MREG: variants seen among roughly 807,000 people sequenced by gnomAD.
MREG encodes dilute suppressor protein homolog.
Under a neutral mutation model 28.5 loss-of-function variants are expected in MREG, and 31 were observed. The observed-to-expected ratio is 1.09, with a 90% CI of 0.82 to 1.47. MREG has a LOEUF of 1.47. Among genes scored for constraint, MREG ranks in the 40% most tolerant of loss-of-function variants. The pLI is 0.00. For missense variants in MREG, 256 were observed against 257.4 expected, an observed-to-expected ratio of 0.99 and a Z score of 0.04; for synonymous variants, 106 against 95.2, an observed-to-expected ratio of 1.11 and a Z score of -0.66.
In MREG at chr2:216,006,274, C is replaced by T. The variant is rs74716374; in HGVS notation, c.95+6959G>A. 5.3e-3 allele frequency among the ~76,000 whole-genome samples: 802 copies of T among 152,304 alleles called. 8 individuals carry two copies. The highest frequency in any genetic ancestry group is 0.019 in the African/African-American group (773 of 41,550). On this transcript the variant is annotated intron_variant, in intron 1 of 4. Transcript: ENST00000263268. Reference sequence around the variant, plus strand: ...GGGGAAGAAAACCTTTAAAAGTCATCCTTGTGAATTTTGGACAGCTGACTT... The same window carrying T: ...GGGGAAGAAAACCTTTAAAAGTCATTCTTGTGAATTTTGGACAGCTGACTT...
chr2:215,968,388 A>G (rs1018438179), intron 2 of MREG, among the ~76,000 whole-genome samples: 5 of 152,154 alleles, frequency 3.3e-5, no homozygotes, highest in Non-Finnish European at 7.4e-5. Flanking sequence ...GTTGCCTCAC[A>G]ACAGAACCCC....
At chr2:216,018,911 A>G (rs990070202) in intron 1 of MREG, among the ~76,000 whole-genome samples, 1 of 152,170 alleles carries the variant, frequency 6.6e-6, no homozygotes, top group South Asian at 2.1e-4. Context: ...CATGTGACCA[A>G]GAAATTGACA....
At chr2:216,021,670 G>A (rs1157174131) in intron 1 of MREG, among the ~76,000 whole-genome samples, 1 of 152,162 alleles carries the variant, frequency 6.6e-6, no homozygotes, top group Non-Finnish European at 1.5e-5. Flanking sequence ...TTTAGAGTAT[G>A]GTCTTTGGCA....
intron 1 of MREG, among the ~76,000 whole-genome samples, chr2:215,998,538 G>A (rs1693933989): frequency 6.6e-6 from 1 of 152,104 alleles, no homozygotes; most frequent in African/African-American, 2.4e-5. Flanking sequence ...AAAGTACCTG[G>A]CCCTATGGGG....
chr2:216,002,691 C>A (rs1559194655), intron 1 of MREG, among the ~76,000 whole-genome samples: 1 of 152,216 alleles, frequency 6.6e-6, no homozygotes, highest in East Asian at 1.9e-4. Context: ...CTTCTTCCCT[C>A]TATTGAGACC....
intron 1 of MREG, among the ~76,000 whole-genome samples, chr2:216,006,122 G>C (rs1694148186): frequency 6.6e-6 from 1 of 152,164 alleles, no homozygotes; most frequent in Non-Finnish European, 1.5e-5. Flanking sequence ...AGAGTCTAGA[G>C]AATAAAAAGT....
chr2:216,024,472 T>G (rs1694565232), intron 1 of MREG, among the ~76,000 whole-genome samples: 1 of 150,992 alleles, frequency 6.6e-6, no homozygotes, highest in African/African-American at 2.4e-5. Context: ...GGACGCCCCG[T>G]GCCCTCTCTT....
intron 1 of MREG, among the ~76,000 whole-genome samples, chr2:216,004,911 A>G (rs1574647620): frequency 6.6e-6 from 1 of 152,164 alleles, no homozygotes; most frequent in East Asian, 1.9e-4. Context: ...TGACTTTGAG[A>G]AGAGATCTAA....
chr2:215,955,695 G>GA lies in MREG; in HGVS notation c.256-8583dup, dbSNP rs200791220. Reference sequence around the variant, plus strand: ...ATGAAGAGGGATTATCTAAAAGATAGAAAAAAATGTATTGACTGCTTCTCC... The same window carrying GA: ...ATGAAGAGGGATTATCTAAAAGATAGAAAAAAAATGTATTGACTGCTTCTCC... On this transcript the variant is annotated intron_variant, in intron 2 of 4. Transcript: ENST00000263268. Among the ~76,000 whole-genome samples, 1,034 of 152,220 alleles carry GA rather than the reference G, an allele frequency of 6.8e-3. 13 individuals carry two copies. Among genetic ancestry groups the GA allele is most frequent in the African/African-American group, 0.024 (989 of 41,554 alleles).
intron 2 of MREG, among the ~76,000 whole-genome samples, chr2:215,989,463 G>A (rs951685500): frequency 6.6e-6 from 1 of 152,098 alleles, no homozygotes; most frequent in South Asian, 2.1e-4. Flanking sequence ...AGGCTGGAAA[G>A]TCCAAAAACC....
intron 2 of MREG, among the ~76,000 whole-genome samples, chr2:215,961,706 C>A (rs1692795138): frequency 6.6e-6 from 1 of 152,146 alleles, no homozygotes; most frequent in Admixed American, 6.5e-5. Flanking sequence ...GGATTACAGG[C>A]ATAAGCCACC....
chr2:216,005,842 T>TAAAA (rs35179294), intron 1 of MREG, among the ~76,000 whole-genome samples: 6 of 125,924 alleles, frequency 4.8e-5, no homozygotes, highest in African/African-American at 8.4e-5. Context: ...AAGATTTTTG[T>TAAAA]AAAAAAAAAA....
chr2:215,942,026 T>G (rs1272720665), downstream of MREG, among the ~76,000 whole-genome samples: 1 of 152,178 alleles, frequency 6.6e-6, no homozygotes, highest in Non-Finnish European at 1.5e-5. Context: ...CCTTATCCCT[T>G]TAGTACATGT....
rs137945263 is a variant in MREG, at chr2:215,959,291, T to C, written c.256-12178A>G. Reference sequence around the variant, plus strand: ...TCAGTTTCCACCTTTCTGCTGGATGTGTCCAAGTGGACGGGCTGCTGACAT... The same window carrying C: ...TCAGTTTCCACCTTTCTGCTGGATGCGTCCAAGTGGACGGGCTGCTGACAT... On this transcript the variant is annotated intron_variant, in intron 2 of 4. Coordinates refer to ENST00000263268, the MANE Select transcript of MREG (RefSeq NM_018000.3). 4.5e-3 allele frequency among the ~76,000 whole-genome samples: 690 copies of C among 152,262 alleles called. 9 individuals are homozygous for C. Among genetic ancestry groups the C allele is most frequent in the South Asian group, 0.025 (120 of 4,818 alleles).
chr2:216,025,585 T>C (rs975374305), intron 1 of MREG, among the ~76,000 whole-genome samples: 1 of 152,258 alleles, frequency 6.6e-6, no homozygotes, highest in Non-Finnish European at 1.5e-5. Flanking sequence ...AGTCAGTCAG[T>C]AAGCGAGAAC....
chr2:215,958,190 G>A (rs1465750247), intron 2 of MREG, among the ~76,000 whole-genome samples: 1 of 151,236 alleles, frequency 6.6e-6, no homozygotes, highest in Non-Finnish European at 1.5e-5. Context: ...ACACCAACAT[G>A]GCACATGTAT....
chr2:215,958,144 A>C (rs1256532927), intron 2 of MREG, among the ~76,000 whole-genome samples: 1 of 151,822 alleles, frequency 6.6e-6, no homozygotes, highest in Non-Finnish European at 1.5e-5. Flanking sequence ...ATTAGGAGAT[A>C]TACCTAATGC....
chr2:215,965,277 C>T (rs1159758328), intron 2 of MREG, among the ~76,000 whole-genome samples: 1 of 152,160 alleles, frequency 6.6e-6, no homozygotes, highest in African/African-American at 2.4e-5. Context: ...CTGTGCATGT[C>T]CCAGTATTCA....
At chr2:216,027,700 A>C (rs986457971) in intron 1 of MREG, among the ~76,000 whole-genome samples, 1 of 152,216 alleles carries the variant, frequency 6.6e-6, no homozygotes, top group African/African-American at 2.4e-5. Context: ...CTCAAAAAAG[A>C]AAAAGGCATG....
Sources: gnomAD v4.1 joint callset for allele counts (sites outside exome capture counted in the v4.1 genomes callset) on GRCh38, gnomAD v4.1.1 for gene constraint, MANE v1.5 for transcripts, NCBI Gene and HGNC (gene_info 2026-07-23, HGNC 2026-07-21) for gene names.